The following LAMB3 variants were observed in gnomAD, a reference collection of about 807,000 sequenced individuals.
LAMB3 encodes laminin subunit beta 3.
In LAMB3, 104 loss-of-function variants were observed where a neutral mutation model predicts 140.3. That is an observed-to-expected ratio of 0.74 (90% CI 0.63 to 0.87). The LOEUF is 0.87. LAMB3 is among the 40% of genes least tolerant of loss of function. The pLI, the probability that LAMB3 is intolerant of heterozygous loss-of-function variation, is 0.00. For missense variants in LAMB3, 1,531 were observed against 1,575.2 expected (o/e 0.97, Z 0.47); for synonymous variants, 592 against 602.9 (o/e 0.98, Z 0.26).
At position 209,617,415 on chromosome 1, in the gene LAMB3, G is replaced by C; in HGVS notation, c.3223C>G (p.Gln1075Glu). Residue 1075 changes from glutamine (Q) to glutamate (E), a missense_variant, in exon 21 of 23, where the codon CAA (glutamine) becomes GAA (glutamate). Physicochemically the swap from Gln to Glu is conservative, Grantham distance 29 (BLOSUM62 2). Transcript: ENST00000356082. ...TAACTCCGCCTTCTCTGTACCTCTTGGGCACTCAATGCCTGCTCGCTGGCA... is the reference window on the plus strand; with the variant it reads ...TAACTCCGCCTTCTCTGTACCTCTTCGGCACTCAATGCCTGCTCGCTGGCA... ...EGASEQALSA[Q>E]EGFERIKQKY... 6.2e-7 allele frequency: 1 copy of C among 1,612,406 alleles called. No individual in the cohort carries two copies. The highest frequency in any genetic ancestry group is 8.5e-7 in the Non-Finnish European group (1 of 1,180,018).
chr1:209,623,167 A>G lies in LAMB3; in HGVS notation c.2371T>C (p.Ser791Pro), dbSNP rs1298222027. ...TPTFNKLCGN[S>P]RQMACTPISC... ...ATTGGGGTGCAAGCCATCTGCCTGG[A>G]GTTGCCACAGAGCTGTGGACAGATG... The change falls in exon 17 of 23, where the codon TCC becomes CCC. Residue 791 changes from serine (S) to proline (P), a missense_variant. Transcript: ENST00000356082. This position sits in a 1 kb window ranked among gnomAD's most constrained non-coding sequence, Gnocchi z 4.2. The G allele has an allele frequency of 1.2e-6, 2 of 1,614,198 alleles. No homozygotes were observed. The highest frequency in any genetic ancestry group is 2.2e-5 in the East Asian group (1 of 44,872).
intron 10 of LAMB3, among the ~76,000 whole-genome samples, chr1:209,628,737 C>T (rs1038667826): frequency 6.7e-6 from 1 of 150,100 alleles, no homozygotes; most frequent in African/African-American, 2.5e-5. Context: ...AATGAGTAAA[C>T]ATAAAGCAGG....
intron 5 of LAMB3, among the ~76,000 whole-genome samples, chr1:209,635,830 G>A (rs993371834): frequency 5.9e-5 from 9 of 152,184 alleles, no homozygotes; most frequent in African/African-American, 1.9e-4. Flanking sequence ...ATTCTGGAAC[G>A]AAATCTGAAC....
chr1:209,622,923 G>A (rs1387691436), intron 17 of LAMB3, 59 bp downstream of exon 17: 1 of 1,581,282 alleles, frequency 6.3e-7, no homozygotes, highest in Non-Finnish European at 8.7e-7. Flanking sequence ...GACTTGCCCG[G>A]GGGATCTATC....
intron 3 of LAMB3, among the ~76,000 whole-genome samples, chr1:209,646,797 A>G (rs1292496932): frequency 2.0e-5 from 3 of 152,242 alleles, no homozygotes; most frequent in Non-Finnish European, 2.9e-5. Flanking sequence ...TGGTCACTTT[A>G]CACATTCTTT....
intron 6 of LAMB3, among the ~76,000 whole-genome samples, 195 bp from the exon 7 acceptor site, chr1:209,633,328 T>G (rs574514173): frequency 6.6e-6 from 1 of 152,318 alleles, no homozygotes; most frequent in South Asian, 2.1e-4. Flanking sequence ...AACGTGTGTG[T>G]GTGTGTACCC....
intron 3 of LAMB3, among the ~76,000 whole-genome samples, chr1:209,640,542 T>C (rs184068133): frequency 3.4e-4 from 51 of 151,474 alleles, no homozygotes; most frequent in African/African-American, 1.2e-3. Context: ...AGCGAGACTC[T>C]GTCTCAAAAA....
intron 22 of LAMB3, among the ~76,000 whole-genome samples, chr1:209,615,651 T>C (rs892223799): frequency 2.6e-5 from 4 of 152,224 alleles, no homozygotes; most frequent in Non-Finnish European, 4.4e-5. Context: ...CCTGGGCCCC[T>C]GACCCTCTGG....
chr1:209,615,131 G>T lies in LAMB3; in HGVS notation c.*140C>A. 1 of 1,000,132 alleles carries T rather than the reference G, an allele frequency of 1.0e-6. No individual in the cohort carries two copies. The highest frequency in any genetic ancestry group is 1.5e-6 in the Non-Finnish European group (1 of 664,002). 62.0% of individuals were successfully genotyped at this position (1,000,132 alleles called of 1,614,324 possible). ...GCTGCAGCTCAGGGTAATCTTACTA[G>T]CTACACACCAGGGGTGGTCCAGGCT... On this transcript the variant is annotated 3_prime_UTR_variant, in exon 23 of 23. Coordinates refer to ENST00000356082, the MANE Select transcript of LAMB3 (RefSeq NM_000228.3).
intron 3 of LAMB3, among the ~76,000 whole-genome samples, chr1:209,643,973 G>T (rs184121853): frequency 1.2e-4 from 18 of 152,234 alleles, no homozygotes; most frequent in African/African-American, 3.9e-4. Context: ...GAAGTTAAAG[G>T]TACTCTCAGC....
intron 19 of LAMB3, 53 bp downstream of exon 19, chr1:209,618,399 C>G: frequency 1.3e-6 from 2 of 1,581,182 alleles, no homozygotes; most frequent in East Asian, 2.2e-5. Context: ...GGTTGAGGAG[C>G]AAAACGCCAG....
rs377525360 is a variant in LAMB3 at position 209,618,538 on chromosome 1, C to G, written c.2823G>C (p.Arg941Ser). ...ACAGCACCAAGTCCACGTTGGGGAG[C>G]CTGGCTGCAATGGCCTGGATCTCAT... ...KMNEIQAIAA[R>S]LPNVDLVLSQ... The change falls in exon 19 of 23, where the codon AGG becomes AGC. Residue 941 changes from arginine (R) to serine (S), a missense_variant. Arg to Ser is a moderately radical substitution (Grantham distance 110). Transcript: ENST00000356082. The G allele has an allele frequency of 5.0e-6, 8 of 1,614,154 alleles. No individual in the cohort carries two copies. The African/African-American group carries it at 1.1e-4, about 22-fold the overall frequency.
intron 11 of LAMB3, 55 bp downstream of exon 11, chr1:209,627,980 C>A: frequency 6.5e-7 from 1 of 1,547,816 alleles, no homozygotes; most frequent in Non-Finnish European, 8.7e-7. Context: ...AGCCGTGGGT[C>A]TGGTGGCCCC....
intron 3 of LAMB3, among the ~76,000 whole-genome samples, chr1:209,643,914 T>C (rs2076493029): frequency 6.6e-6 from 1 of 152,248 alleles, no homozygotes; most frequent in African/African-American, 2.4e-5. Flanking sequence ...AGTTCCATCT[T>C]GTTCTAACAT....
At position 209,623,497 on chromosome 1, in the gene LAMB3, C is replaced by T; in HGVS notation, c.2358+8G>A. The T allele has an allele frequency of 1.9e-6, 3 of 1,613,584 alleles. No homozygotes were observed. Among genetic ancestry groups the T allele is most frequent in the Non-Finnish European group, 2.5e-6 (3 of 1,179,514 alleles). ...CTCCAGGAAGTGGGACTCCATGCCC[C>T]AAGTCACCTTGTTGAAGGTGGGTGT... On this transcript the variant is annotated splice_region_variant and intron_variant, in intron 16 of 22. Coordinates refer to ENST00000356082, the MANE Select transcript of LAMB3 (RefSeq NM_000228.3). This position sits in a 1 kb window ranked among gnomAD's most constrained non-coding sequence, Gnocchi z 4.2.
In LAMB3 at chr1:209,622,388, G is replaced by T. The variant is rs1666230440; in HGVS notation, c.2701+148C>A. The T allele has an allele frequency of 6.4e-6, 6 of 930,654 alleles. No homozygotes were observed. In the Admixed American group the frequency reaches 9.5e-5, roughly 15 times the overall value. 57.6% of individuals were successfully genotyped at this position (930,654 alleles called of 1,614,324 possible). On this transcript the variant is annotated intron_variant, in intron 18 of 22. Coordinates refer to ENST00000356082, the MANE Select transcript of LAMB3 (RefSeq NM_000228.3). ...GGAGGGCAGACGGGAGAACGAGAAG[G>T]TCATGGCCATGGTGCCAAGGAGAAG...
intron 21 of LAMB3, 23 bp downstream of exon 21, chr1:209,617,387 A>G (rs1237494311): frequency 3.1e-6 from 5 of 1,610,964 alleles, no homozygotes; most frequent in Non-Finnish European, 4.2e-6. Flanking sequence ...TACATCATTG[A>G]GCTAACTCCG....
chr1:209,628,291 C>G, intron 10 of LAMB3, 101 bp from the exon 11 acceptor site: 1 of 1,331,766 alleles, frequency 7.5e-7, no homozygotes, highest in African/African-American at 1.4e-5. Context: ...TGTTCCACCA[C>G]TGGATTTCAA....
At position 209,615,334 on chromosome 1, in the gene LAMB3, C is replaced by A; in HGVS notation, c.3456G>T (p.Lys1152Asn). ...TGTGGTCACGGATCTGCTCCACACG[C>A]TTCTCCAGTCCTGTCAGGTCCGCTG... ...LRSADLTGLE[K>N]RVEQIRDHIN... Residue 1152 changes from lysine (K) to asparagine (N), a missense_variant, in exon 23 of 23, where the codon AAG (lysine) becomes AAT (asparagine). Transcript: ENST00000356082. The A allele has an allele frequency of 1.2e-6, 2 of 1,614,016 alleles. No individual in the cohort carries two copies. The highest frequency in any genetic ancestry group is 1.7e-6 in the Non-Finnish European group (2 of 1,179,940).
Sources: allele counts gnomAD v4.1 joint callset (sites outside exome capture counted in the v4.1 genomes callset), GRCh38; gene constraint gnomAD v4.1.1; non-coding constraint Gnocchi (gnomAD v3.1); transcripts MANE v1.5; gene names NCBI Gene and HGNC (gene_info 2026-07-23, HGNC 2026-07-21).